Variants in SCAPER observed in about 807,000 individuals in gnomAD.
SCAPER encodes the protein S phase cyclin A-associated protein in the endoplasmic reticulum.
Under a neutral mutation model 182.2 loss-of-function variants are expected in SCAPER, and 98 were observed. The ratio of observed to expected loss-of-function variants is 0.54; its 90% CI spans 0.46 to 0.64. The LOEUF is 0.64. Ranked by LOEUF, SCAPER falls within the 30% of genes least tolerant of loss-of-function variation. The pLI, the probability that SCAPER is intolerant of heterozygous loss-of-function variation, is 0.00. For synonymous variants in SCAPER, 605 were observed against 564.6 expected, an observed-to-expected ratio of 1.07 and a Z score of -1.01; for missense variants, 1,432 against 1,690.0, an observed-to-expected ratio of 0.85 and a Z score of 2.68.
chr15:76,732,075 G>C (rs2060953375), intron 16 of SCAPER, among the ~76,000 whole-genome samples: 1 of 152,162 alleles, frequency 6.6e-6, no homozygotes, highest in Non-Finnish European at 1.5e-5. Flanking sequence ...GTAACTGAAA[G>C]AGAACACACT....
intron 14 of SCAPER, among the ~76,000 whole-genome samples, chr15:76,763,378 A>G (rs1306036485): frequency 6.6e-6 from 1 of 151,926 alleles, no homozygotes; most frequent in East Asian, 1.9e-4. Context: ...TTTCCCTTGT[A>G]TGAGATGAGT....
chr15:76,551,557 A>C (rs2045772134), intron 23 of SCAPER, among the ~76,000 whole-genome samples: 1 of 152,156 alleles, frequency 6.6e-6, no homozygotes, highest in Non-Finnish European at 1.5e-5. Context: ...GGAGGGTAGC[A>C]GAGAGGAGGA....
At chr15:76,899,348 G>A (rs1038615786) in intron 1 of SCAPER, among the ~76,000 whole-genome samples, 2 of 152,232 alleles carry the variant, frequency 1.3e-5, no homozygotes, top group East Asian at 1.9e-4. Context: ...TATTTTTGGT[G>A]GAGATGGGTT....
intron 23 of SCAPER, among the ~76,000 whole-genome samples, chr15:76,514,216 T>C (rs540492245): frequency 5.3e-5 from 8 of 152,314 alleles, no homozygotes; most frequent in Non-Finnish European, 8.8e-5. Context: ...TCTGATTTGA[T>C]TGAGAAAAAC....
At chr15:76,652,518 TACACACACACACACACACACAC>T (rs71143350) in intron 21 of SCAPER, among the ~76,000 whole-genome samples, 2 of 88,924 alleles carry the variant, frequency 2.2e-5, no homozygotes, top group Non-Finnish European at 2.1e-5. Flanking sequence ...TTTACATACA[TACACACACACACACACACACAC>T]ACACACACAC....
intron 1 of SCAPER, among the ~76,000 whole-genome samples, chr15:76,903,244 T>A (rs1386856841): frequency 6.6e-6 from 1 of 152,192 alleles, no homozygotes; most frequent in Non-Finnish European, 1.5e-5. Flanking sequence ...TAGAATACTA[T>A]ATCCTTTGGA....
intron 5 of SCAPER, among the ~76,000 whole-genome samples, chr15:76,813,243 A>AAAAT (rs1555617018): frequency 9.8e-5 from 6 of 60,946 alleles, no homozygotes; most frequent in Admixed American, 4.8e-4. Flanking sequence ...AAAAAAAAAA[A>AAAAT]AAAAAAAAAA....
At chr15:76,469,715 G>A (rs906389169) in intron 25 of SCAPER, among the ~76,000 whole-genome samples, 2 of 151,974 alleles carry the variant, frequency 1.3e-5, no homozygotes, top group Non-Finnish European at 2.9e-5. Flanking sequence ...TGTAGCCTTG[G>A]GCAAGTCAAC....
chr15:76,823,268 G>A (rs527967026), intron 5 of SCAPER, among the ~76,000 whole-genome samples: 4 of 152,114 alleles, frequency 2.6e-5, no homozygotes, highest in South Asian at 2.1e-4. Context: ...AGACCAGCCC[G>A]GCCAACATGG....
intron 23 of SCAPER, among the ~76,000 whole-genome samples, chr15:76,542,211 A>G (rs866663896): frequency 1.3e-5 from 2 of 152,284 alleles, no homozygotes; most frequent in South Asian, 4.1e-4. Flanking sequence ...GCCAAGTGTT[A>G]TCAGGGCTGG....
intron 22 of SCAPER, among the ~76,000 whole-genome samples, chr15:76,600,776 T>G (rs1340020215): frequency 8.3e-6 from 1 of 120,916 alleles, no homozygotes; most frequent in African/African-American, 2.5e-5. Flanking sequence ...AAAATAATTC[T>G]AAATCACTCT....
chr15:76,491,185 T>G (rs1171522588), intron 24 of SCAPER, among the ~76,000 whole-genome samples: 4 of 152,250 alleles, frequency 2.6e-5, no homozygotes, highest in Admixed American at 1.3e-4. Flanking sequence ...TGCCTGTCTT[T>G]ATGCCAGTAC....
chr15:76,778,636 T>A (rs562875317), intron 8 of SCAPER, among the ~76,000 whole-genome samples: 1 of 147,570 alleles, frequency 6.8e-6, no homozygotes, highest in Non-Finnish European at 1.5e-5. Flanking sequence ...CACATAAGTG[T>A]GAGTGTATGT....
intron 23 of SCAPER, among the ~76,000 whole-genome samples, chr15:76,568,522 A>AT (rs569919601): frequency 1.3e-4 from 20 of 151,570 alleles, no homozygotes; most frequent in Admixed American, 9.9e-4. Context: ...CACCTGGCTA[A>AT]TTTTTTTTAT....
intron 25 of SCAPER, among the ~76,000 whole-genome samples, chr15:76,456,435 T>C (rs899499396): frequency 1.3e-5 from 2 of 152,250 alleles, no homozygotes; most frequent in Non-Finnish European, 2.9e-5. Flanking sequence ...TCTAACTTCA[T>C]CCCACTGTCT....
chr15:76,424,720 C>T (rs1439496466), intron 26 of SCAPER, among the ~76,000 whole-genome samples: 3 of 152,180 alleles, frequency 2.0e-5, no homozygotes, highest in Non-Finnish European at 4.4e-5. Flanking sequence ...CATCAATGGT[C>T]TTTACAATTT....
At chr15:76,368,876 T>C (rs1454642285) in intron 29 of SCAPER, among the ~76,000 whole-genome samples, 1 of 152,142 alleles carries the variant, frequency 6.6e-6, no homozygotes, top group Non-Finnish European at 1.5e-5. Context: ...TAATACAAAA[T>C]GTAAATAAAG....
intron 23 of SCAPER, among the ~76,000 whole-genome samples, chr15:76,551,878 AT>A (rs1452192832): frequency 6.6e-6 from 1 of 151,980 alleles, no homozygotes; most frequent in Non-Finnish European, 1.5e-5. Flanking sequence ...TTTGTCTCTC[AT>A]GCCTACATGT....
intron 23 of SCAPER, among the ~76,000 whole-genome samples, chr15:76,516,946 C>T (rs1216219946): frequency 9.2e-5 from 14 of 152,128 alleles, no homozygotes; most frequent in Admixed American, 9.2e-4. Flanking sequence ...TCACAACAAT[C>T]CTATGAGGTA....
Sources: allele counts gnomAD v4.1 joint callset (sites outside exome capture counted in the v4.1 genomes callset), GRCh38; gene constraint gnomAD v4.1.1; transcripts MANE v1.5; gene names NCBI Gene and HGNC (gene_info 2026-07-23, HGNC 2026-07-21).